The following MCM7 variants were observed in gnomAD, a reference collection of about 807,000 sequenced individuals.
The protein encoded by MCM7 is minichromosome maintenance complex component 7.
MCM7 carries 95 observed loss-of-function variants against 83.5 expected under a neutral mutation model. The ratio of observed to expected loss-of-function variants is 1.14; its 90% CI spans 0.96 to 1.35. The LOEUF (loss-of-function observed/expected upper bound fraction) is 1.35. Ranked by LOEUF, MCM7 falls within the 40% of genes most tolerant of loss-of-function variation. The pLI is 0.00. For synonymous variants in MCM7, 461 were observed against 352.7 expected, an observed-to-expected ratio of 1.31 and a Z score of -3.44; for missense variants, 1,087 against 957.4, an observed-to-expected ratio of 1.14 and a Z score of -1.79.
At position 100,099,715 on chromosome 7, in the gene MCM7, C is replaced by A. The variant is rs1795845574; in HGVS notation, c.150G>T (p.Val50=). ...LAHREQVALY[V]DLDDVAEDDP... ...CATCCTCGGCTACGTCGTCCAGGTC[C>A]ACATACAGAGCCACCTGTTCCCGAT... The change falls in exon 3 of 15, where the codon GTG becomes GTT. Residue 50 remains valine, a synonymous_variant. Transcript: ENST00000303887. 1 of 1,614,064 alleles carries A rather than the reference C, an allele frequency of 6.2e-7. No individual in the cohort carries two copies. The highest frequency in any genetic ancestry group is 8.5e-7 in the Non-Finnish European group (1 of 1,180,052).
rs1352894277 is a variant in MCM7 at position 100,095,243 on chromosome 7, T to C, written c.1679+144A>G. The stretch of plus-strand genomic sequence containing the variant: ...TGATATGAAGTGTGGAATTTTCCAC[T>C]TAAAAGCTGATCTGAGGCTCTGGAC... On this transcript the variant is annotated intron_variant, in intron 12 of 14. Transcript: ENST00000303887. The C allele has an allele frequency of 1.6e-5, 12 of 759,388 alleles. No individual in the cohort carries two copies. In the Admixed American group the frequency reaches 2.5e-4, roughly 16 times the overall value. The allele number at this position is 759,388 out of a possible 1,614,324, so 47.0% of individuals were successfully genotyped here. A position where few individuals can be genotyped will look rare whatever the true frequency, so the allele number is the denominator to read the frequency against.
chr7:100,094,494 C>T (rs1795514036), intron 12 of MCM7, among the ~76,000 whole-genome samples, 153 bp from the exon 13 acceptor site: 1 of 152,198 alleles, frequency 6.6e-6, no homozygotes, highest in South Asian at 2.1e-4. Flanking sequence ...TGATTATTTG[C>T]TTGGCTTGAA....
At chr7:100,096,814 C>A (rs906910929) in intron 10 of MCM7, among the ~76,000 whole-genome samples, 6 of 151,756 alleles carry the variant, frequency 4.0e-5, no homozygotes, top group African/African-American at 1.5e-4. Context: ...ACAAAAAAAA[C>A]TTTTTAGGCC....
Position 100,095,416 on chromosome 7 carries a change from C to T in MCM7, c.1650G>A (p.Gln550=). 6.2e-7 allele frequency: 1 copy of T among 1,613,954 alleles called. No individual in the cohort carries two copies. Among genetic ancestry groups the T allele is most frequent in the Non-Finnish European group, 8.5e-7 (1 of 1,179,984 alleles). Residue 550 remains glutamine, a synonymous_variant, in exon 12 of 15, where the codon CAG becomes CAA. Coordinates refer to ENST00000303887, the MANE Select transcript of MCM7 (RefSeq NM_005916.5). Reference sequence around the variant, plus strand: ...TGAGCTTCATGTCCAGAGGTTCAAACTGGGAGGGGGGCTGCCGGCTGTGCT... The same window carrying T: ...TGAGCTTCATGTCCAGAGGTTCAAATTGGGAGGGGGGCTGCCGGCTGTGCT... The part of the protein sequence containing the change: ...VHQHSRQPPS[Q]FEPLDMKLMR...
rs11552037 is a variant in MCM7 at position 100,101,311 on chromosome 7, G to C, written c.-17C>G. The C allele has an allele frequency of 1.2e-6, 2 of 1,613,138 alleles. No individual in the cohort carries two copies. Among genetic ancestry groups the C allele is most frequent in the Admixed American group, 3.3e-5 (2 of 60,034 alleles). On this transcript the variant is annotated 5_prime_UTR_variant, in exon 1 of 15. Transcript: ENST00000303887. ...CAGTGCCATCGCTGCCGAGGGCCGT[G>C]CGGCCGCGCTTGGCGGGCTCAGAGG...
At chr7:100,098,337 C>A (rs1795756002) in intron 6 of MCM7, 47 bp from the exon 7 acceptor site, 1 of 1,600,524 alleles carries the variant, frequency 6.2e-7, no homozygotes, top group Non-Finnish European at 8.5e-7. Context: ...GGACAAGGAC[C>A]CAACCTTCCC....
chr7:100,093,971 C>A (rs1437180010), intron 13 of MCM7: 1 of 762,896 alleles, frequency 1.3e-6, no homozygotes, highest in East Asian at 2.6e-5. Flanking sequence ...AAGGCCTTTC[C>A]CTCCACGGAC....
At position 100,097,382 on chromosome 7, in the gene MCM7, T is replaced by G. The variant is rs1330401943; in HGVS notation, c.1120A>C (p.Asn374His). 6.2e-7 allele frequency: 1 copy of G among 1,614,140 alleles called. No homozygotes were observed. Among genetic ancestry groups the G allele is most frequent in the African/African-American group, 1.3e-5 (1 of 75,048 alleles). Reference sequence around the variant, plus strand: ...TCCCCCATCAGACAGATGTTGATGTTGCCTGGAGGAAGGGAAGGCAGCCCT... The same window carrying G: ...TCCCCCATCAGACAGATGTTGATGTGGCCTGGAGGAAGGGAAGGCAGCCCT... ...QSPRGMKIRG[N>H]INICLMGDPG... Residue 374 changes from asparagine (N) to histidine (H), a missense_variant and splice_region_variant, in exon 10 of 15, where the codon AAC (asparagine) becomes CAC (histidine). Asn to His is a moderately conservative substitution (Grantham distance 68). Transcript: ENST00000303887.
Position 100,093,335 on chromosome 7 carries a change from T to C in MCM7, c.1915A>G (p.Met639Val). 1 of 1,614,098 alleles carries C rather than the reference T, an allele frequency of 6.2e-7. No homozygotes were observed. The highest frequency in any genetic ancestry group is 2.2e-5 in the East Asian group (1 of 44,888). ...DVNEAIRLME[M>V]SKDSLLGDKG... is the part of the protein sequence containing the mutation. ...TCTCCTAGAAGAGAGTCCTTTGACA[T>C]CTCCATTAGCCTGATGGCTTCATTC... is the stretch of plus-strand genomic sequence containing the variant. The change falls in exon 14 of 15, where the codon ATG (methionine) becomes GTG (valine). Residue 639 changes from methionine (M) to valine (V), a missense_variant. Coordinates refer to ENST00000303887, the MANE Select transcript of MCM7 (RefSeq NM_005916.5).
At position 100,099,663 on chromosome 7, in the gene MCM7, C is replaced by T; in HGVS notation, c.202G>A (p.Glu68Lys). 2 of 1,614,198 alleles carry T rather than the reference C, an allele frequency of 1.2e-6. No individual in the cohort carries two copies. The highest frequency in any genetic ancestry group is 1.7e-6 in the Non-Finnish European group (2 of 1,180,044). The part of the protein sequence containing the change: ...DDPELVDSIC[E>K]NARRYAKLFA... ...AGCTTCGCGTAGCGCCTGGCATTCT[C>T]ACAAATTGAGTCCACCAACTCGGGG... Residue 68 changes from glutamate (E) to lysine (K), a missense_variant, in exon 3 of 15, where the codon GAG (glutamate) becomes AAG (lysine). Glu to Lys is a moderately conservative substitution (Grantham distance 56). Transcript: ENST00000303887.
rs1796019874 is a variant in MCM7 at position 100,101,374 on chromosome 7, G to A, written c.-80C>T. ...GGAAGCTGAGAATCTCCGCGCGGTG[G>A]ACTGTGGCCGGCCAACCGAAATTGG... On this transcript the variant is annotated 5_prime_UTR_variant, in exon 1 of 15. Transcript: ENST00000303887. The A allele has an allele frequency of 3.8e-6, 6 of 1,588,210 alleles. No homozygotes were observed. The highest frequency in any genetic ancestry group is 1.7e-5 in the Admixed American group (1 of 59,444).
At chr7:100,098,755 G>A (rs760946801) in intron 5 of MCM7, 40 bp from the exon 6 acceptor site, 40 of 1,610,936 alleles carry the variant, frequency 2.5e-5, no homozygotes, top group Admixed American at 3.3e-5. Flanking sequence ...AACTCAGAAG[G>A]AAAAGAGCCC....
Position 100,094,640 on chromosome 7 carries a change from C to T in MCM7, c.1680-299G>A, listed in dbSNP as rs145772829. Among the ~76,000 whole-genome samples, 5 of 152,172 alleles carry T rather than the reference C, an allele frequency of 3.3e-5. 1 individual carries two copies. Among genetic ancestry groups the T allele is most frequent in the African/African-American group, 9.6e-5 (4 of 41,500 alleles). On this transcript the variant is annotated intron_variant, in intron 12 of 14. Transcript: ENST00000303887. ...AGAGGATCCAGACCCCTCCTCTGAG[C>T]GCATGACATGGCAAAACATATATTT... is the stretch of plus-strand genomic sequence containing the variant.
In MCM7 at chr7:100,093,300, CT is replaced by C; in HGVS notation, c.1949del (p.Gln650ArgfsTer11). Reference protein sequence around the residue: ...SKDSLLGDKGQTARTQRPADV... With the variant: ...SKDSLLGDKGXTARTQRPADV... Reference sequence around the variant, plus strand: ...TTCACTAAACCACTCACCTAGCTGTCTGCCCCTTGTCTCCTAGAAGAGAGTC... The same window carrying C: ...TTCACTAAACCACTCACCTAGCTGTCGCCCCTTGTCTCCTAGAAGAGAGTC... On this transcript the variant is annotated frameshift_variant, in exon 14 of 15. Coordinates refer to ENST00000303887, the MANE Select transcript of MCM7 (RefSeq NM_005916.5). LOFTEE classifies it high-confidence loss of function. The C allele has an allele frequency of 6.2e-7, 1 of 1,613,548 alleles. No homozygotes were observed. Among genetic ancestry groups the C allele is most frequent in the Non-Finnish European group, 8.5e-7 (1 of 1,179,868 alleles).
At position 100,095,758 on chromosome 7, in the gene MCM7, G is replaced by A; in HGVS notation, c.1595+16C>T. 1 of 1,554,802 alleles carries A rather than the reference G, an allele frequency of 6.4e-7. No homozygotes were observed. The highest frequency in any genetic ancestry group is 8.7e-7 in the Non-Finnish European group (1 of 1,152,492). ...CATTACAGGGGACCTCTCTTTGGGT[G>A]TTGAGCTTCATTCACCGTAGGTCAT... On this transcript the variant is annotated intron_variant, in intron 11 of 14. Transcript: ENST00000303887.
intron 10 of MCM7, 134 bp from the exon 11 acceptor site, chr7:100,096,301 G>A (rs1161232522): frequency 5.9e-6 from 5 of 854,010 alleles, no homozygotes; most frequent in Non-Finnish European, 8.6e-6. Flanking sequence ...TTCTTGAGAT[G>A]CCCGAGGATC....
rs1795797800 is a variant in MCM7, at chr7:100,099,117, A to C, written c.488T>G (p.Val163Gly). Residue 163 changes from valine to glycine, a missense_variant, in exon 5 of 15, where the codon GTG (valine) becomes GGG (glycine). Val to Gly is a moderately radical substitution (Grantham distance 109). Transcript: ENST00000303887. Reference protein sequence around the residue: ...RADSVGKLVTVRGIVTRVSEV... With the variant: ...RADSVGKLVTGRGIVTRVSEV... ...AGAGACACGAGTGACGATTCCACGC[A>C]CAGTTACCAACTTCCCCACAGAGTC... is the stretch of plus-strand genomic sequence containing the variant. 1.2e-6 allele frequency: 2 copies of C among 1,614,022 alleles called. No individual in the cohort carries two copies. Among genetic ancestry groups the C allele is most frequent in the Non-Finnish European group, 1.7e-6 (2 of 1,180,014 alleles).
At chr7:100,097,431 T>G in intron 9 of MCM7, 47 bp from the exon 10 acceptor site, 1 of 1,603,334 alleles carries the variant, frequency 6.2e-7, no homozygotes, top group Non-Finnish European at 8.5e-7. Flanking sequence ...TCCCAGTGCT[T>G]GGCCAACAAC....
At position 100,099,947 on chromosome 7, in the gene MCM7, C is replaced by A. The variant is rs1584497438; in HGVS notation, c.111+67G>T. The A allele has an allele frequency of 1.3e-5, 19 of 1,495,886 alleles. No homozygotes were observed. The East Asian group carries it at 4.1e-4, about 32-fold the overall frequency. 92.7% of individuals were successfully genotyped at this position (1,495,886 alleles called of 1,614,324 possible). On this transcript the variant is annotated intron_variant, in intron 2 of 14. Coordinates refer to ENST00000303887, the MANE Select transcript of MCM7 (RefSeq NM_005916.5). ...ATTGTTATGTCTTTAATAAAACAAG[C>A]CAAGCTGCTGCTTATGGCTCCTTAA... is the stretch of plus-strand genomic sequence containing the variant.
Sources: gnomAD v4.1 joint callset for allele counts (sites outside exome capture counted in the v4.1 genomes callset) on GRCh38, gnomAD v4.1.1 for gene constraint, MANE v1.5 for transcripts, NCBI Gene and HGNC (gene_info 2026-07-23, HGNC 2026-07-21) for gene names.